Variants in CLASP1 observed in about 807,000 individuals in gnomAD.
The protein encoded by CLASP1 is CLIP-associating protein 1.
Under a neutral mutation model 192.3 loss-of-function variants are expected in CLASP1, and 38 were observed. That is an observed-to-expected ratio of 0.20 (90% CI 0.15 to 0.26). The LOEUF (loss-of-function observed/expected upper bound fraction) is 0.26. CLASP1 is among the 10% of genes least tolerant of loss of function. The pLI, the probability that CLASP1 is intolerant of heterozygous loss-of-function variation, is 1.00. For missense variants in CLASP1, 1,433 were observed against 1,932.5 expected (o/e 0.74, Z 4.85); for synonymous variants, 691 against 712.8 (o/e 0.97, Z 0.49).
At chr2:121,587,368 A>C (rs540643066) in intron 2 of CLASP1, among the ~76,000 whole-genome samples, 6 of 152,234 alleles carry the variant, frequency 3.9e-5, no homozygotes, top group African/African-American at 1.4e-4. Flanking sequence ...GCAGGGCTGG[A>C]AATTGGGCCT....
At position 121,410,975 on chromosome 2, in the gene CLASP1, T is replaced by TA. The variant is rs1474098962; in HGVS notation, c.2321-7dup. 1 of 1,579,436 alleles carries TA rather than the reference T, an allele frequency of 6.3e-7. No individual in the cohort carries two copies. Among genetic ancestry groups the TA allele is most frequent in the East Asian group, 2.2e-5 (1 of 44,526 alleles). The stretch of plus-strand genomic sequence containing the variant: ...CTGGCCAAGCCCAAACCGATCTATT[T>TA]AAAAAACAAAAGCAAAAGATGTGTC... On this transcript the variant is annotated splice_polypyrimidine_tract_variant and splice_region_variant and intron_variant, in intron 23 of 39. Coordinates refer to ENST00000263710, the Ensembl canonical transcript of CLASP1.
chr2:121,394,267 T>A lies in CLASP1; in HGVS notation c.3123+2873A>T, dbSNP rs114439942. Reference sequence around the variant, plus strand: ...AAAGGGAGATTATCCTGGATGGGCCTGACCTCATCAGGCAAGCCCTTAAAA... The same window carrying A: ...AAAGGGAGATTATCCTGGATGGGCCAGACCTCATCAGGCAAGCCCTTAAAA... On this transcript the variant is annotated intron_variant, in intron 30 of 39. Coordinates refer to ENST00000263710, the Ensembl canonical transcript of CLASP1. Among the ~76,000 whole-genome samples the A allele has an allele frequency of 6.5e-3, 983 of 152,344 alleles. 14 individuals carry two copies. The highest frequency in any genetic ancestry group is 0.023 in the African/African-American group (939 of 41,588).
At chr2:121,546,322 A>AG (rs896466204) in intron 2 of CLASP1, among the ~76,000 whole-genome samples, 1 of 151,618 alleles carries the variant, frequency 6.6e-6, no homozygotes, top group Non-Finnish European at 1.5e-5. Context: ...ATCAAAGTGT[A>AG]GGGGGGTGGC....
chr2:121,464,591 A>G (rs982493253), intron 9 of CLASP1, among the ~76,000 whole-genome samples: 24 of 152,202 alleles, frequency 1.6e-4, no homozygotes, highest in African/African-American at 5.1e-4. Flanking sequence ...TTTCTCTGAT[A>G]GCCAGTGATG....
chr2:121,389,544 A>C (rs996352066), intron 30 of CLASP1, among the ~76,000 whole-genome samples: 6 of 152,116 alleles, frequency 3.9e-5, no homozygotes, highest in Non-Finnish European at 8.8e-5. Context: ...AGAAAGCAGC[A>C]GCCTGGAATT....
At chr2:121,578,196 G>A (rs116222141) in intron 2 of CLASP1, among the ~76,000 whole-genome samples, 1 of 151,844 alleles carries the variant, frequency 6.6e-6, no homozygotes, top group Non-Finnish European at 1.5e-5. Flanking sequence ...GCATCCCAAA[G>A]TGCAAGGATT....
At chr2:121,457,778 C>T (rs1272076588) in intron 13 of CLASP1, 21 bp from the exon 14 acceptor site, 1 of 1,582,142 alleles carries the variant, frequency 6.3e-7, no homozygotes, top group South Asian at 1.1e-5. Context: ...CAACAAAAAA[C>T]AGAGGTCAAC....
chr2:121,367,542 A>C (rs1457337656), intron 35 of CLASP1, 46 bp downstream of exon 36: 1 of 1,610,946 alleles, frequency 6.2e-7, no homozygotes, highest in East Asian at 2.2e-5. Flanking sequence ...AGGGAGCACA[A>C]GGGAAGCACT....
At chr2:121,437,873 T>C (rs1227276221) in intron 19 of CLASP1, among the ~76,000 whole-genome samples, 1 of 152,206 alleles carries the variant, frequency 6.6e-6, no homozygotes, top group Admixed American at 6.5e-5. Context: ...ATGCTTAGGT[T>C]TGAAGCTGTG....
chr2:121,469,104 A>G (rs2090194064), intron 9 of CLASP1, among the ~76,000 whole-genome samples: 1 of 152,042 alleles, frequency 6.6e-6, no homozygotes, highest in Admixed American at 6.6e-5. Flanking sequence ...GCTGCTACTC[A>G]GCTTTCTACA....
intron 30 of CLASP1, among the ~76,000 whole-genome samples, chr2:121,393,909 G>T (rs2074814030): frequency 6.7e-6 from 1 of 150,330 alleles, no homozygotes; most frequent in East Asian, 1.9e-4. Context: ...CCAGAATACA[G>T]ACATGCATCT....
At chr2:121,580,585 C>T (rs1665958124) in intron 2 of CLASP1, among the ~76,000 whole-genome samples, 1 of 152,062 alleles carries the variant, frequency 6.6e-6, no homozygotes, top group South Asian at 2.1e-4. Context: ...TTAGCATGTC[C>T]CCCAAATCAC....
chr2:121,397,581 G>A (rs1270279574), intron 29 of CLASP1, among the ~76,000 whole-genome samples: 2 of 152,208 alleles, frequency 1.3e-5, no homozygotes, highest in Non-Finnish European at 2.9e-5. Flanking sequence ...AGGAGCCCTT[G>A]AGAGGGGCCC....
intron 8 of CLASP1, among the ~76,000 whole-genome samples, chr2:121,471,091 T>G (rs920989120): frequency 6.6e-6 from 1 of 152,164 alleles, no homozygotes; most frequent in African/African-American, 2.4e-5. Context: ...AAGACCAGCC[T>G]GGGCAACATA....
At chr2:121,488,262 C>T (rs1231995596) in intron 8 of CLASP1, among the ~76,000 whole-genome samples, 1 of 152,228 alleles carries the variant, frequency 6.6e-6, no homozygotes, top group Non-Finnish European at 1.5e-5. Flanking sequence ...AACCTCAGTT[C>T]AACCTTCATA....
chr2:121,546,338 T>C (rs562513908), intron 2 of CLASP1, among the ~76,000 whole-genome samples: 1 of 151,408 alleles, frequency 6.6e-6, no homozygotes, highest in Non-Finnish European at 1.5e-5. Flanking sequence ...GTGGCCAAGA[T>C]GGCTGACTAG....
chr2:121,394,030 CT>C (rs1004396551), intron 30 of CLASP1, among the ~76,000 whole-genome samples: 1 of 152,080 alleles, frequency 6.6e-6, no homozygotes, highest in African/African-American at 2.4e-5. Flanking sequence ...TGCCAACCCC[CT>C]AAAAGAGACA....
At chr2:121,345,699 T>C (rs1375986260) in intron 39 of CLASP1, among the ~76,000 whole-genome samples, 2 of 152,112 alleles carry the variant, frequency 1.3e-5, no homozygotes, top group Non-Finnish European at 2.9e-5. Flanking sequence ...CCCCAAACCA[T>C]GCACTGCACA....
intron 34 of CLASP1, among the ~76,000 whole-genome samples, chr2:121,373,472 G>T (rs1050809576): frequency 6.6e-6 from 1 of 152,222 alleles, no homozygotes. Flanking sequence ...GCCTGAAAAT[G>T]TGGAAGCAAC....
Sources: allele counts gnomAD v4.1 joint callset (sites outside exome capture counted in the v4.1 genomes callset), GRCh38; gene constraint gnomAD v4.1.1; transcripts MANE v1.5; gene names NCBI Gene and HGNC (gene_info 2026-07-23, HGNC 2026-07-21).